Variants in GTF2A1 observed in about 807,000 individuals in gnomAD.
GTF2A1 encodes the protein general transcription factor IIA subunit 1.
A neutral mutation model predicts 54.1 loss-of-function variants in GTF2A1; 12 were observed. The ratio of observed to expected loss-of-function variants is 0.22; its 90% CI spans 0.14 to 0.36. The LOEUF is 0.36. Among genes scored for constraint, GTF2A1 ranks in the 10% least tolerant of loss-of-function variants. The pLI is 1.00. For missense variants in GTF2A1, 335 were observed against 442.2 expected (o/e 0.76, Z 2.17); for synonymous variants, 145 against 152.0 (o/e 0.95, Z 0.34).
chr14:81,189,560 A>G (rs1253523107), intron 7 of GTF2A1, among the ~76,000 whole-genome samples: 2 of 152,084 alleles, frequency 1.3e-5, no homozygotes, highest in Admixed American at 1.3e-4. Flanking sequence ...AGTCCCAGCT[A>G]CTCAGGAGGC....
rs1198779253 is a variant in GTF2A1, at chr14:81,176,802, C to T, written c.*3421G>A. 1 of 151,728 alleles carries T rather than the reference C, an allele frequency of 6.6e-6. No individual in the cohort carries two copies. Among genetic ancestry groups the T allele is most frequent in the Non-Finnish European group, 1.5e-5 (1 of 67,850 alleles). 9.4% of individuals were successfully genotyped at this position (151,728 alleles called of 1,614,324 possible). ...AAAATGAAAATGTACAAAGATGGATCAACAAACTATTACATTGCACAAAAG... is the reference window on the plus strand; with the variant it reads ...AAAATGAAAATGTACAAAGATGGATTAACAAACTATTACATTGCACAAAAG... On this transcript the variant is annotated 3_prime_UTR_variant, in exon 9 of 9. Transcript: ENST00000553612.
At chr14:81,207,138 CGT>C (rs1491130811) in intron 2 of GTF2A1, among the ~76,000 whole-genome samples, 9 of 120,160 alleles carry the variant, frequency 7.5e-5, no homozygotes, top group African/African-American at 1.9e-4. Flanking sequence ...TACCTACCTA[CGT>C]ACCTACCTAC....
chr14:81,211,922 T>G (rs1219998893), intron 2 of GTF2A1, among the ~76,000 whole-genome samples: 1 of 139,294 alleles, frequency 7.2e-6, no homozygotes, highest in Admixed American at 7.1e-5. Context: ...TAGAGTATAT[T>G]TAGAATAGTG....
chr14:81,205,297 C>G (rs1395461279), intron 2 of GTF2A1, among the ~76,000 whole-genome samples: 1 of 152,116 alleles, frequency 6.6e-6, no homozygotes, highest in African/African-American at 2.4e-5. Flanking sequence ...TCTGACCCTT[C>G]CAATCATTCC....
chr14:81,181,517 GA>G (rs1806308388), intron 8 of GTF2A1, among the ~76,000 whole-genome samples: 1 of 152,058 alleles, frequency 6.6e-6, no homozygotes, highest in African/African-American at 2.4e-5. Context: ...TAATAATGCA[GA>G]AATGCTCAAC....
intron 7 of GTF2A1, among the ~76,000 whole-genome samples, chr14:81,187,902 ACTGTTTCCCACAGCAGC>A (rs1193981589): frequency 5.9e-5 from 9 of 152,034 alleles, no homozygotes; most frequent in Non-Finnish European, 1.2e-4. Flanking sequence ...GGACTATCAA[ACTGTTTCCCACAGCAGC>A]TGTACCATTT....
intron 7 of GTF2A1, among the ~76,000 whole-genome samples, chr14:81,187,411 T>A (rs1173812607): frequency 1.3e-5 from 2 of 152,062 alleles, no homozygotes. Context: ...TTCACTATTT[T>A]AGCATTTGTA....
intron 8 of GTF2A1, among the ~76,000 whole-genome samples, chr14:81,183,339 T>C (rs183777726): frequency 1.2e-3 from 188 of 152,302 alleles, no homozygotes; most frequent in Middle Eastern, 3.4e-3. Context: ...AGAAAGACCG[T>C]GGGCTTAGCT....
chr14:81,199,618 G>A (rs1208845842), intron 4 of GTF2A1, among the ~76,000 whole-genome samples: 3 of 152,130 alleles, frequency 2.0e-5, no homozygotes, highest in Non-Finnish European at 2.9e-5. Context: ...AGAAATACAT[G>A]AAGGAAACAC....
intron 2 of GTF2A1, among the ~76,000 whole-genome samples, chr14:81,213,732 A>G (rs919707691): frequency 2.0e-5 from 3 of 151,906 alleles, no homozygotes; most frequent in Non-Finnish European, 4.4e-5. Context: ...TTAGATACCT[A>G]CTCTTCACTA....
intron 2 of GTF2A1, among the ~76,000 whole-genome samples, chr14:81,210,727 G>T (rs949736418): frequency 1.3e-5 from 2 of 151,990 alleles, no homozygotes; most frequent in Admixed American, 6.6e-5. Flanking sequence ...GCTAATTTTT[G>T]TATTTTTAGT....
intron 2 of GTF2A1, among the ~76,000 whole-genome samples, chr14:81,213,360 G>A (rs919670844): frequency 2.6e-5 from 4 of 152,128 alleles, no homozygotes; most frequent in African/African-American, 9.7e-5. Context: ...TCGAGAGAAT[G>A]TCTTGATTCT....
rs1892985410 is a variant in GTF2A1 at position 81,196,023 on chromosome 14, G to A, written c.612+85C>T. 5 of 1,193,766 alleles carry A rather than the reference G, an allele frequency of 4.2e-6. No homozygotes were observed. In the South Asian group the frequency reaches 5.1e-5, roughly 12 times the overall value. The allele number at this position is 1,193,766 out of a possible 1,614,324, so 73.9% of individuals were successfully genotyped here. ...GTAGCACTGAAAAAGAGTCTTTTGT[G>A]CATATAAGGAGAGGGAAACTACCCA... is the stretch of plus-strand genomic sequence containing the variant. On this transcript the variant is annotated intron_variant, in intron 6 of 8. Transcript: ENST00000553612.
At chr14:81,213,364 T>C (rs183039751) in intron 2 of GTF2A1, among the ~76,000 whole-genome samples, 1 of 152,206 alleles carries the variant, frequency 6.6e-6, no homozygotes, top group Non-Finnish European at 1.5e-5. Context: ...GAGAATGTCT[T>C]GATTCTACTA....
chr14:81,192,478 TAATC>T (rs747424638), intron 7 of GTF2A1, 37 bp downstream of exon 7: 6 of 1,472,114 alleles, frequency 4.1e-6, no homozygotes, highest in South Asian at 1.3e-5. Context: ...AAAAAGGAAA[TAATC>T]AAGTAGATTA....
intron 5 of GTF2A1, 94 bp downstream of exon 5, chr14:81,197,315 G>A: frequency 1.5e-6 from 1 of 663,794 alleles, no homozygotes; most frequent in Non-Finnish European, 2.6e-6. Flanking sequence ...AGAAATATTA[G>A]TATTTTCTGT....
chr14:81,201,472 C>T (rs1008697855), intron 4 of GTF2A1, 122 bp downstream of exon 4: 1 of 540,748 alleles, frequency 1.8e-6, no homozygotes, highest in South Asian at 3.0e-5. Flanking sequence ...GAAACTAAAA[C>T]AGCTGTTTTG....
At chr14:81,183,584 C>A (rs535767893) in intron 8 of GTF2A1, among the ~76,000 whole-genome samples, 1 of 152,198 alleles carries the variant, frequency 6.6e-6, no homozygotes, top group African/African-American at 2.4e-5. Context: ...ATCTATTTAC[C>A]GGCCCTAAGC....
chr14:81,194,011 AGG>A (rs1190712054), intron 6 of GTF2A1, among the ~76,000 whole-genome samples: 1 of 152,246 alleles, frequency 6.6e-6, no homozygotes, highest in Non-Finnish European at 1.5e-5. Context: ...AATTCAACTT[AGG>A]GGACAAAGCA....
Sources: gnomAD v4.1 joint callset for allele counts (sites outside exome capture counted in the v4.1 genomes callset) on GRCh38, gnomAD v4.1.1 for gene constraint, MANE v1.5 for transcripts, NCBI Gene and HGNC (gene_info 2026-07-23, HGNC 2026-07-21) for gene names.